The following ULK4 variants were observed in gnomAD, a reference collection of about 807,000 sequenced individuals.
The protein encoded by ULK4 is inactive serine/threonine-protein kinase ULK4.
ULK4 carries 133 observed loss-of-function variants against 160.6 expected under a neutral mutation model. The ratio of observed to expected loss-of-function variants is 0.83; its 90% CI spans 0.72 to 0.96. ULK4 has a LOEUF of 0.96. ULK4 is among the 40% of genes least tolerant of loss of function. The pLI, the probability that ULK4 is intolerant of heterozygous loss-of-function variation, is 0.00. For missense variants in ULK4, 1,580 were observed against 1,499.5 expected (o/e 1.05, Z -0.89); for synonymous variants, 534 against 539.8 (o/e 0.99, Z 0.15).
intron 16 of ULK4, among the ~76,000 whole-genome samples, chr3:41,884,335 C>T (rs1477233525): frequency 6.6e-6 from 1 of 152,182 alleles, no homozygotes; most frequent in Non-Finnish European, 1.5e-5. Context: ...GTTAGTAGAT[C>T]AATGAGTTTC....
intron 31 of ULK4, among the ~76,000 whole-genome samples, chr3:41,578,975 C>T (rs1314052784): frequency 6.6e-6 from 1 of 152,186 alleles, no homozygotes; most frequent in Non-Finnish European, 1.5e-5. Flanking sequence ...CCCTCCTCTT[C>T]AGTATCTATT....
At position 41,705,153 on chromosome 3, in the gene ULK4, T is replaced by G; in HGVS notation, c.2687-2A>C. ...TAAATTCTTCTGATGCTGTCAGTCC[T>G]AGAAATACAGTTAATTATTATAGGT... is the stretch of plus-strand genomic sequence containing the variant. On this transcript the variant is annotated splice_acceptor_variant, in intron 26 of 36. Transcript: ENST00000301831. LOFTEE classifies it high-confidence loss of function. 6.2e-7 allele frequency: 1 copy of G among 1,613,084 alleles called. No individual in the cohort carries two copies. Among genetic ancestry groups the G allele is most frequent in the East Asian group, 2.2e-5 (1 of 44,852 alleles).
intron 17 of ULK4, among the ~76,000 whole-genome samples, chr3:41,878,673 G>GT (rs1697398973): frequency 3.5e-5 from 2 of 57,782 alleles, no homozygotes; most frequent in Non-Finnish European, 6.1e-5. Context: ...TGTTAAAACT[G>GT]TTAAAAAAAA....
intron 17 of ULK4, among the ~76,000 whole-genome samples, chr3:41,853,199 T>TG (rs1379796495): frequency 2.0e-5 from 3 of 152,210 alleles, no homozygotes; most frequent in African/African-American, 7.2e-5. Context: ...TTAGTAGATC[T>TG]GGGGTAAGGC....
At chr3:41,671,471 T>A (rs2035535106) in intron 29 of ULK4, among the ~76,000 whole-genome samples, 1 of 151,948 alleles carries the variant, frequency 6.6e-6, no homozygotes, top group South Asian at 2.1e-4. Flanking sequence ...AACAAAGCCA[T>A]CAACAACACA....
rs148002001 is a variant in ULK4, at chr3:41,346,574, G to A, written c.3678+51505C>T. 3.4e-4 allele frequency among the ~76,000 whole-genome samples: 52 copies of A among 152,264 alleles called. 1 individual carries two copies. In the East Asian group the frequency reaches 9.3e-3, roughly 27 times the overall value. On this transcript the variant is annotated intron_variant, in intron 35 of 36. Coordinates refer to ENST00000301831, the MANE Select transcript of ULK4 (RefSeq NM_017886.4). Reference sequence around the variant, plus strand: ...GTATGAGGAGGAACGGACAGAGGGAGGGAGGCTGAAAGGGGTATGGAGAAA... The same window carrying A: ...GTATGAGGAGGAACGGACAGAGGGAAGGAGGCTGAAAGGGGTATGGAGAAA...
At chr3:41,311,914 C>T (rs1450489117) in intron 35 of ULK4, among the ~76,000 whole-genome samples, 1 of 147,738 alleles carries the variant, frequency 6.8e-6, no homozygotes, top group Non-Finnish European at 1.5e-5. Flanking sequence ...TTCTGTCCCT[C>T]TAGATAACCC....
At chr3:41,453,549 A>T (rs940089412) in intron 34 of ULK4, among the ~76,000 whole-genome samples, 7 of 152,160 alleles carry the variant, frequency 4.6e-5, no homozygotes, top group Admixed American at 2.6e-4. Context: ...TAATCCTCAA[A>T]ATAACTTCAT....
intron 32 of ULK4, among the ~76,000 whole-genome samples, chr3:41,539,891 T>A (rs1013210634): frequency 2.0e-5 from 3 of 152,100 alleles, no homozygotes; most frequent in Admixed American, 1.3e-4. Context: ...CTTTTAGGCA[T>A]CTGACTCCTC....
chr3:41,933,879 G>A (rs1413002181), intron 4 of ULK4, among the ~76,000 whole-genome samples: 5 of 151,880 alleles, frequency 3.3e-5, no homozygotes, highest in East Asian at 1.9e-4. Flanking sequence ...GTAAAACCCC[G>A]TCTCTACTAA....
At chr3:41,856,890 C>CAA (rs1339458884) in intron 17 of ULK4, among the ~76,000 whole-genome samples, 1 of 151,338 alleles carries the variant, frequency 6.6e-6, no homozygotes, top group African/African-American at 2.4e-5. Flanking sequence ...GCCTGGGTGA[C>CAA]AGAGTGAGAC....
At chr3:41,960,522 C>T (rs1700630154) in intron 1 of ULK4, among the ~76,000 whole-genome samples, 1 of 152,018 alleles carries the variant, frequency 6.6e-6, no homozygotes, top group African/African-American at 2.4e-5. Flanking sequence ...CACCACCACA[C>T]CCAGTTAATT....
intron 17 of ULK4, among the ~76,000 whole-genome samples, chr3:41,882,696 T>C (rs1210977159): frequency 6.6e-6 from 1 of 152,242 alleles, no homozygotes; most frequent in Non-Finnish European, 1.5e-5. Flanking sequence ...TCACAGCTCC[T>C]GAGCAACCAA....
chr3:41,346,214 G>A (rs1666894745), intron 35 of ULK4, among the ~76,000 whole-genome samples: 1 of 152,148 alleles, frequency 6.6e-6, no homozygotes. Context: ...AACATTGACT[G>A]AGCGTTTCAC....
chr3:41,559,445 T>G (rs1418711376), intron 32 of ULK4, among the ~76,000 whole-genome samples: 1 of 139,110 alleles, frequency 7.2e-6, no homozygotes, highest in Non-Finnish European at 1.6e-5. Flanking sequence ...CTTGAGGAAC[T>G]GCCACACTGT....
At chr3:41,281,212 C>T (rs1366035171) in intron 35 of ULK4, among the ~76,000 whole-genome samples, 2 of 152,148 alleles carry the variant, frequency 1.3e-5, no homozygotes, top group Non-Finnish European at 2.9e-5. Context: ...TACCAGAATT[C>T]TACTAGAGGT....
chr3:41,805,292 A>G lies in ULK4; in HGVS notation c.1849-4999T>C, dbSNP rs535719807. Among the ~76,000 whole-genome samples the G allele has an allele frequency of 3.0e-4, 46 of 152,034 alleles. No individual in the cohort carries two copies. The East Asian group carries it at 6.8e-3, about 22-fold the overall frequency. The stretch of plus-strand genomic sequence containing the variant: ...TGATTTGGCTCTCTGTTTGTCTGTT[A>G]TTGGTGTATAAGAATGCTTGTGATT... On this transcript the variant is annotated intron_variant, in intron 19 of 36. Transcript: ENST00000301831.
At chr3:41,349,889 C>G (rs1225670148) in intron 35 of ULK4, among the ~76,000 whole-genome samples, 1 of 152,144 alleles carries the variant, frequency 6.6e-6, no homozygotes, top group African/African-American at 2.4e-5. Context: ...ATCACCATAG[C>G]ACCACTATGA....
chr3:41,635,169 C>T (rs1299296270), intron 30 of ULK4, among the ~76,000 whole-genome samples: 1 of 152,026 alleles, frequency 6.6e-6, no homozygotes, highest in Non-Finnish European at 1.5e-5. Context: ...TATCCCCAAG[C>T]CTATTTTAGG....
Sources: allele counts gnomAD v4.1 joint callset (sites outside exome capture counted in the v4.1 genomes callset), GRCh38; gene constraint gnomAD v4.1.1; transcripts MANE v1.5; gene names NCBI Gene and HGNC (gene_info 2026-07-23, HGNC 2026-07-21).